Variants in BMP2 observed in about 807,000 individuals in gnomAD.
The protein encoded by BMP2 is bone morphogenetic protein 2A.
Under a neutral mutation model 28.8 loss-of-function variants are expected in BMP2, and 2 were observed. The observed-to-expected ratio is 0.07, with a 90% CI of 0.03 to 0.22. The LOEUF (loss-of-function observed/expected upper bound fraction) is 0.22, where lower values mean the gene tolerates loss of function less well. Ranked by LOEUF, BMP2 falls within the 10% of genes least tolerant of loss-of-function variation. The pLI is 1.00. For missense variants in BMP2, 437 were observed against 517.7 expected (o/e 0.84, Z 1.51); for synonymous variants, 218 against 204.3 (o/e 1.07, Z -0.57).
Position 6,778,930 on chromosome 20 carries a change from T to C in BMP2, c.1032T>C (p.Ile344=). 6.2e-7 allele frequency: 1 copy of C among 1,614,052 alleles called. No individual in the cohort carries two copies. The highest frequency in any genetic ancestry group is 8.5e-7 in the Non-Finnish European group (1 of 1,180,012). ...ATCTGAACTCCACTAATCATGCCATTGTTCAGACGTTGGTCAACTCTGTTA... is the reference window on the plus strand; with the variant it reads ...ATCTGAACTCCACTAATCATGCCATCGTTCAGACGTTGGTCAACTCTGTTA... ...ADHLNSTNHA[I]VQTLVNSVNS... Residue 344 remains isoleucine (I), a synonymous_variant, in exon 3 of 3, where the codon ATT becomes ATC. Transcript: ENST00000378827. This position sits in a 1 kb window ranked among gnomAD's most constrained non-coding sequence, Gnocchi z 5.0.
At chr20:6,773,676 G>A (rs1986443546) in intron 2 of BMP2, among the ~76,000 whole-genome samples, 11 of 152,056 alleles carry the variant, frequency 7.2e-5, no homozygotes, top group Admixed American at 7.2e-4. Flanking sequence ...TCCTTTATTT[G>A]CCATTCCCTT....
chr20:6,770,610 T>A (rs1289584867), intron 2 of BMP2, 138 bp downstream of exon 2: 6 of 843,844 alleles, frequency 7.1e-6, no homozygotes, highest in Non-Finnish European at 1.1e-5. Context: ...TGTACTATCG[T>A]TTCTGAATCT....
Position 6,770,148 on chromosome 20 carries a change from C to T in BMP2, c.22C>T (p.Leu8Phe), listed in dbSNP as rs1376740838. 20 of 1,560,574 alleles carry T rather than the reference C, an allele frequency of 1.3e-5. No individual in the cohort carries two copies. The highest frequency in any genetic ancestry group is 1.6e-5 in the Non-Finnish European group (19 of 1,153,744). Reference protein sequence around the residue: MVAGTRCLLALLLPQVLL... With the variant: MVAGTRCFLALLLPQVLL... ...GACCATGGTGGCCGGGACCCGCTGTCTTCTAGCGTTGCTGCTTCCCCAGGT... is the reference window on the plus strand; with the variant it reads ...GACCATGGTGGCCGGGACCCGCTGTTTTCTAGCGTTGCTGCTTCCCCAGGT... The change falls in exon 2 of 3, where the codon CTT becomes TTT. Residue 8 changes from leucine (L) to phenylalanine (F), a missense_variant. Coordinates refer to ENST00000378827, the MANE Select transcript of BMP2 (RefSeq NM_001200.4).
At chr20:6,775,057 A>G (rs1356260802) in intron 2 of BMP2, among the ~76,000 whole-genome samples, 6 of 152,180 alleles carry the variant, frequency 3.9e-5, no homozygotes, top group Admixed American at 3.3e-4. Flanking sequence ...CGGGTCAAAG[A>G]CAGGTCGAAA....
In BMP2 at chr20:6,767,921, C is replaced by T. The variant is rs542238113; in HGVS notation, c.-962C>T. 1.3e-3 allele frequency: 501 copies of T among 387,100 alleles called. 3 individuals are homozygous for T. Among genetic ancestry groups the T allele is most frequent in the African/African-American group, 9.8e-3 (473 of 48,058 alleles). The allele number at this position is 387,100 out of a possible 1,614,324, so 24.0% of individuals were successfully genotyped here. ...ACCCCGCGCGGGCTGGAGCACCCGGCAGAGCGCGCCACAGCGCCGTGGCCT... is the reference window on the plus strand; with the variant it reads ...ACCCCGCGCGGGCTGGAGCACCCGGTAGAGCGCGCCACAGCGCCGTGGCCT... On this transcript the variant is annotated 5_prime_UTR_variant, in exon 1 of 3. Coordinates refer to ENST00000378827, the MANE Select transcript of BMP2 (RefSeq NM_001200.4).
chr20:6,771,850 A>T (rs1183059364), intron 2 of BMP2, among the ~76,000 whole-genome samples: 1 of 152,196 alleles, frequency 6.6e-6, no homozygotes, highest in Non-Finnish European at 1.5e-5. Flanking sequence ...AGCAGAAATC[A>T]CCTGTTGTCA....
At position 6,770,102 on chromosome 20, in the gene BMP2, C is replaced by G; in HGVS notation, c.-7-18C>G. ...CTGGGCGGGGAACTCGGGTGACTCACGTCGGTCCTGTCCGCAGGTCGACCA... is the reference window on the plus strand; with the variant it reads ...CTGGGCGGGGAACTCGGGTGACTCAGGTCGGTCCTGTCCGCAGGTCGACCA... On this transcript the variant is annotated intron_variant, in intron 1 of 2. Coordinates refer to ENST00000378827, the MANE Select transcript of BMP2 (RefSeq NM_001200.4). 1 of 1,518,772 alleles carries G rather than the reference C, an allele frequency of 6.6e-7. No individual in the cohort carries two copies. Among genetic ancestry groups the G allele is most frequent in the South Asian group, 1.2e-5 (1 of 81,402 alleles). 94.1% of individuals were successfully genotyped at this position (1,518,772 alleles called of 1,614,324 possible).
chr20:6,779,180 G>A lies in BMP2; in HGVS notation c.*91G>A, dbSNP rs563210472. ...CAAACAAAAAAACCCCACCCCAGTT[G>A]ACACTTTAATATTTCCCAATGAAGA... On this transcript the variant is annotated 3_prime_UTR_variant, in exon 3 of 3. Transcript: ENST00000378827. The A allele has an allele frequency of 7.2e-6, 4 of 559,276 alleles. No homozygotes were observed. The highest frequency in any genetic ancestry group is 9.9e-6 in the Non-Finnish European group (4 of 405,662). The allele number at this position is 559,276 out of a possible 1,614,324, so 34.6% of individuals were successfully genotyped here.
Position 6,779,158 on chromosome 20 carries a change from A to C in BMP2, c.*69A>C. The stretch of plus-strand genomic sequence containing the variant: ...TTAGAAAAAAGAAAAAAACAAACAA[A>C]CAAAAAAACCCCACCCCAGTTGACA... On this transcript the variant is annotated 3_prime_UTR_variant, in exon 3 of 3. Transcript: ENST00000378827. 5 of 785,670 alleles carry C rather than the reference A, an allele frequency of 6.4e-6. No homozygotes were observed. The highest frequency in any genetic ancestry group is 1.8e-5 in the African/African-American group (1 of 55,008). The allele number at this position is 785,670 out of a possible 1,614,324, so 48.7% of individuals were successfully genotyped here. A position where few individuals can be genotyped will look rare whatever the true frequency, so the allele number is the denominator to read the frequency against.
intron 2 of BMP2, among the ~76,000 whole-genome samples, chr20:6,775,422 T>C (rs746925652): frequency 9.9e-5 from 15 of 152,276 alleles, no homozygotes; most frequent in Middle Eastern, 6.8e-3. Context: ...CAATGGATGC[T>C]TTTGTCTTGA....
chr20:6,767,830 C>A lies in BMP2; in HGVS notation c.-1053C>A. 2.9e-6 allele frequency: 1 copy of A among 340,346 alleles called. No individual in the cohort carries two copies. The highest frequency in any genetic ancestry group is 5.3e-6 in the Non-Finnish European group (1 of 189,102). The allele number at this position is 340,346 out of a possible 1,614,324, so 21.1% of individuals were successfully genotyped here. On this transcript the variant is annotated 5_prime_UTR_variant, in exon 1 of 3. Coordinates refer to ENST00000378827, the MANE Select transcript of BMP2 (RefSeq NM_001200.4). ...CTGCCGCCACAGCCTCCGCCGGCTA[C>A]CCGAACGTTCTCGGGGCCAGCGCCG...
rs71646302 is a variant in BMP2 at position 6,779,111 on chromosome 20, AATAT to A, written c.*39_*42del. ...CTAGTACAGCAAAATTAAATACATA[AATAT>A]ATATATATATATATATTTTAGAAAA... is the stretch of plus-strand genomic sequence containing the variant. On this transcript the variant is annotated 3_prime_UTR_variant, in exon 3 of 3. Transcript: ENST00000378827. 3.9e-4 allele frequency: 400 copies of A among 1,017,990 alleles called. No homozygotes were observed. The highest frequency in any genetic ancestry group is 6.7e-4 in the East Asian group (20 of 29,646). The allele number at this position is 1,017,990 out of a possible 1,614,324, so 63.1% of individuals were successfully genotyped here.
chr20:6,778,752 A>G lies in BMP2; in HGVS notation c.854A>G (p.Lys285Arg), dbSNP rs1986558356. 1 of 1,614,236 alleles carries G rather than the reference A, an allele frequency of 6.2e-7. No homozygotes were observed. Among genetic ancestry groups the G allele is most frequent in the Middle Eastern group, 1.6e-4 (1 of 6,062 alleles). Reference sequence around the variant, plus strand: ...CACAAAAGAGAAAAACGTCAAGCCAAACACAAACAGCGGAAACGCCTTAAG... The same window carrying G: ...CACAAAAGAGAAAAACGTCAAGCCAGACACAAACAGCGGAAACGCCTTAAG... ...PLHKREKRQA[K>R]HKQRKRLKSS... Residue 285 changes from lysine (K) to arginine (R), a missense_variant, in exon 3 of 3, where the codon AAA (lysine) becomes AGA (arginine). Lys to Arg is a conservative substitution (Grantham distance 26). Transcript: ENST00000378827. This position sits in a 1 kb window ranked among gnomAD's most constrained non-coding sequence, Gnocchi z 5.0.
chr20:6,771,720 C>G (rs1229678499), intron 2 of BMP2, among the ~76,000 whole-genome samples: 3 of 152,196 alleles, frequency 2.0e-5, no homozygotes, highest in Non-Finnish European at 4.4e-5. Context: ...GACGGGGACA[C>G]TGAATTGATC....
chr20:6,768,210 G>A lies in BMP2; in HGVS notation c.-673G>A, dbSNP rs141364472. ...CCGGAGAATGCGCCCGAGGACGACG[G>A]GGCGCCAGAGCCGCGGTGCTTTCAA... is the stretch of plus-strand genomic sequence containing the variant. On this transcript the variant is annotated 5_prime_UTR_variant, in exon 1 of 3. Coordinates refer to ENST00000378827, the MANE Select transcript of BMP2 (RefSeq NM_001200.4). 0.015 allele frequency: 5,806 copies of A among 398,098 alleles called. 55 individuals carry two copies. Among genetic ancestry groups the A allele is most frequent in the Non-Finnish European group, 0.019 (4,377 of 225,812 alleles). 24.7% of individuals were successfully genotyped at this position (398,098 alleles called of 1,614,324 possible).
At position 6,778,825 on chromosome 20, in the gene BMP2, G is replaced by T; in HGVS notation, c.927G>T (p.Gly309=). 1 of 1,614,170 alleles carries T rather than the reference G, an allele frequency of 6.2e-7. No individual in the cohort carries two copies. Among genetic ancestry groups the T allele is most frequent in the South Asian group, 1.1e-5 (1 of 91,076 alleles). The change falls in exon 3 of 3, where the codon GGG becomes GGT. Residue 309 remains glycine, a synonymous_variant. Coordinates refer to ENST00000378827, the MANE Select transcript of BMP2 (RefSeq NM_001200.4). This position sits in a 1 kb window ranked among gnomAD's most constrained non-coding sequence, Gnocchi z 5.0. ...HPLYVDFSDV[G]WNDWIVAPPG... is the part of the protein sequence containing the mutation. ...TGTACGTGGACTTCAGTGACGTGGG[G>T]TGGAATGACTGGATTGTGGCTCCCC...
intron 2 of BMP2, among the ~76,000 whole-genome samples, chr20:6,772,549 G>A (rs1452994745): frequency 3.9e-5 from 6 of 152,132 alleles, no homozygotes; most frequent in Non-Finnish European, 7.4e-5. Flanking sequence ...CACGAAAAAA[G>A]TTTTTGGTAA....
At position 6,779,881 on chromosome 20, in the gene BMP2, C is replaced by G. The variant is rs1045169209; in HGVS notation, c.*792C>G. ...GGAAAGTGAATGATGGTTTGTTGTT[C>G]TTCTTTCCTAAATTAGTGATCCCTT... On this transcript the variant is annotated 3_prime_UTR_variant, in exon 3 of 3. Coordinates refer to ENST00000378827, the MANE Select transcript of BMP2 (RefSeq NM_001200.4). 4 of 152,232 alleles carry G rather than the reference C, an allele frequency of 2.6e-5. No individual in the cohort carries two copies. The highest frequency in any genetic ancestry group is 4.4e-5 in the Non-Finnish European group (3 of 68,006). The allele number at this position is 152,232 out of a possible 1,614,324, so 9.4% of individuals were successfully genotyped here. A position where few individuals can be genotyped will look rare whatever the true frequency, so the allele number is the denominator to read the frequency against.
chr20:6,776,343 C>T (rs1447806871), intron 2 of BMP2, among the ~76,000 whole-genome samples: 6 of 152,176 alleles, frequency 3.9e-5, no homozygotes, highest in Non-Finnish European at 5.9e-5. Context: ...CCCATATCCA[C>T]GTAGAAGAGC....
Sources: gnomAD v4.1 joint callset for allele counts (sites outside exome capture counted in the v4.1 genomes callset) on GRCh38, gnomAD v4.1.1 for gene constraint, Gnocchi (gnomAD v3.1) non-coding constraint, MANE v1.5 for transcripts, NCBI Gene and HGNC (gene_info 2026-07-23, HGNC 2026-07-21) for gene names.